The following BRAF variants were observed in gnomAD, a reference collection of about 807,000 sequenced individuals.
The protein encoded by BRAF is B-Raf proto-oncogene, serine/threonine kinase.
BRAF carries 16 observed loss-of-function variants against 104.6 expected under a neutral mutation model. The ratio of observed to expected loss-of-function variants is 0.15; its 90% CI spans 0.10 to 0.23. The LOEUF (loss-of-function observed/expected upper bound fraction) is 0.23. Ranked by LOEUF, BRAF falls within the 10% of genes least tolerant of loss-of-function variation. BRAF has a pLI of 1.00. For synonymous variants in BRAF, 310 were observed against 341.6 expected (o/e 0.91, Z 1.02); for missense variants, 541 against 937.3 (o/e 0.58, Z 5.52).
At chr7:140,762,790 T>C (rs1798884598) in intron 14 of BRAF, among the ~76,000 whole-genome samples, 1 of 151,998 alleles carries the variant, frequency 6.6e-6, no homozygotes, top group South Asian at 2.1e-4. Flanking sequence ...GTACTTGAGA[T>C]TAGGGAGTGG....
intron 1 of BRAF, among the ~76,000 whole-genome samples, chr7:140,868,186 G>C (rs946967867): frequency 3.3e-5 from 5 of 152,292 alleles, no homozygotes; most frequent in Admixed American, 3.3e-4. Flanking sequence ...GTTGTTTTAA[G>C]CACTATGCTT....
intron 1 of BRAF, among the ~76,000 whole-genome samples, chr7:140,868,953 G>C (rs1563005659): frequency 6.6e-6 from 1 of 152,126 alleles, no homozygotes; most frequent in Non-Finnish European, 1.5e-5. Flanking sequence ...ACAGTCAATA[G>C]GATTTGCTGG....
intron 1 of BRAF, among the ~76,000 whole-genome samples, chr7:140,896,099 G>C (rs1227388191): frequency 1.3e-5 from 2 of 151,958 alleles, no homozygotes; most frequent in African/African-American, 4.8e-5. Flanking sequence ...ACTGGGATGA[G>C]ACAATACCTC....
At position 140,777,980 on chromosome 7, in the gene BRAF, C is replaced by G. The variant is rs1451415562; in HGVS notation, c.1637+11G>C. 6.2e-7 allele frequency: 1 copy of G among 1,612,528 alleles called. No individual in the cohort carries two copies. The highest frequency in any genetic ancestry group is 1.7e-5 in the Admixed American group (1 of 59,984). On this transcript the variant is annotated intron_variant, in intron 13 of 19. Transcript: ENST00000644969. Reference sequence around the variant, plus strand: ...TCTTTCTCTGGAAAAGAGTAATTCACACAAGCTCACCTGAGTACTCCTACT... The same window carrying G: ...TCTTTCTCTGGAAAAGAGTAATTCAGACAAGCTCACCTGAGTACTCCTACT...
chr7:140,721,701 G>A lies in BRAF; in HGVS notation c.*4793C>T, dbSNP rs1795333965. On this transcript the variant is annotated 3_prime_UTR_variant, in exon 20 of 20. Coordinates refer to ENST00000644969, the MANE Select transcript of BRAF (RefSeq NM_001374258.1). ...AATCCATCCCAGTATAACATTTCAA[G>A]GATGTGCTGGAGACAATACATGGAC... The A allele has an allele frequency of 1.3e-6, 2 of 1,531,898 alleles. No homozygotes were observed. Among genetic ancestry groups the A allele is most frequent in the African/African-American group, 2.7e-5 (2 of 72,768 alleles). The allele number at this position is 1,531,898 out of a possible 1,614,324, so 94.9% of individuals were successfully genotyped here. A position where few individuals can be genotyped will look rare whatever the true frequency, so the allele number is the denominator to read the frequency against.
Position 140,720,531 on chromosome 7 carries a change from G to C in BRAF, c.*5963C>G. 4 of 1,064,920 alleles carry C rather than the reference G, an allele frequency of 3.8e-6. No homozygotes were observed. The highest frequency in any genetic ancestry group is 4.6e-6 in the Non-Finnish European group (4 of 879,100). The allele number at this position is 1,064,920 out of a possible 1,614,324, so 66.0% of individuals were successfully genotyped here. On this transcript the variant is annotated 3_prime_UTR_variant, in exon 20 of 20. Coordinates refer to ENST00000644969, the MANE Select transcript of BRAF (RefSeq NM_001374258.1). ...GAACATACACAAATGTATTAGGAAG[G>C]AATGATTCTTAAAAAAACCGTTCAC... is the stretch of plus-strand genomic sequence containing the variant.
chr7:140,888,555 G>C lies in BRAF; in HGVS notation c.138+36011C>G, dbSNP rs539152863. ...AATACAGGATAAAAACAATGATCTA[G>C]CGCGGGTGCAGTGGCTCACACCTGT... On this transcript the variant is annotated intron_variant, in intron 1 of 19. Transcript: ENST00000644969. Among the ~76,000 whole-genome samples, 16 of 152,234 alleles carry C rather than the reference G, an allele frequency of 1.1e-4. No individual in the cohort carries two copies. The South Asian group carries it at 1.5e-3, about 14-fold the overall frequency.
intron 1 of BRAF, among the ~76,000 whole-genome samples, chr7:140,866,156 T>C (rs1423046421): frequency 6.6e-6 from 1 of 152,212 alleles, no homozygotes; most frequent in Non-Finnish European, 1.5e-5. Flanking sequence ...AGGATTTAAA[T>C]TGAAGGAAAA....
chr7:140,823,647 C>T (rs1303399963), intron 3 of BRAF: 1 of 152,206 alleles, frequency 6.6e-6, no homozygotes, highest in Non-Finnish European at 1.5e-5. Context: ...CTTTGAGATC[C>T]TGCTTTCAAT....
intron 8 of BRAF, among the ~76,000 whole-genome samples, chr7:140,791,167 A>C (rs1348539419): frequency 1.3e-5 from 2 of 152,068 alleles, no homozygotes; most frequent in African/African-American, 2.4e-5. Context: ...ACCCTGAATC[A>C]AGCTATCCTC....
At chr7:140,917,217 T>A (rs1165401408) in intron 1 of BRAF, among the ~76,000 whole-genome samples, 1 of 152,150 alleles carries the variant, frequency 6.6e-6, no homozygotes, top group Non-Finnish European at 1.5e-5. Context: ...CCCACCACCA[T>A]GCTCGGCTAA....
chr7:140,810,693 G>C (rs1229918698), intron 3 of BRAF, among the ~76,000 whole-genome samples: 2 of 152,166 alleles, frequency 1.3e-5, no homozygotes, highest in South Asian at 4.1e-4. Flanking sequence ...CTCATTACTT[G>C]TGGAGTCCAT....
intron 3 of BRAF, among the ~76,000 whole-genome samples, chr7:140,818,718 C>T (rs1020643220): frequency 6.6e-6 from 1 of 152,156 alleles, no homozygotes; most frequent in Non-Finnish European, 1.5e-5. Flanking sequence ...CTAAAACAGG[C>T]AATTATCTTT....
At chr7:140,834,930 A>G in intron 2 of BRAF, 58 bp from the exon 3 acceptor site, 1 of 1,595,344 alleles carries the variant, frequency 6.3e-7, no homozygotes, top group East Asian at 2.2e-5. Context: ...TTAACAAAAG[A>G]GAATATAAAA....
intron 1 of BRAF, among the ~76,000 whole-genome samples, chr7:140,895,186 C>A (rs1814739443): frequency 6.6e-6 from 1 of 152,048 alleles, no homozygotes; most frequent in Admixed American, 6.5e-5. Context: ...TCTACCAATA[C>A]AATTACTTAC....
chr7:140,828,953 G>A (rs1410164425), intron 3 of BRAF, among the ~76,000 whole-genome samples: 1 of 151,968 alleles, frequency 6.6e-6, no homozygotes, highest in East Asian at 1.9e-4. Flanking sequence ...GTTTTAATTT[G>A]TACACTCACA....
In BRAF at chr7:140,765,621, T is replaced by C. The variant is rs200744495; in HGVS notation, c.1814+11291A>G. 4.5e-3 allele frequency among the ~76,000 whole-genome samples: 689 copies of C among 151,718 alleles called. 5 individuals are homozygous for C. The highest frequency in any genetic ancestry group is 0.04 in the East Asian group (207 of 5,158). On this transcript the variant is annotated intron_variant, in intron 14 of 19. Transcript: ENST00000644969. Reference sequence around the variant, plus strand: ...TTTACAAGAAAAAAACAAACAACCCTATCAAAAAGTGGGCAAAGGACATGA... The same window carrying C: ...TTTACAAGAAAAAAACAAACAACCCCATCAAAAAGTGGGCAAAGGACATGA...
chr7:140,875,783 G>A (rs949613983), intron 1 of BRAF, among the ~76,000 whole-genome samples: 2 of 152,148 alleles, frequency 1.3e-5, no homozygotes, highest in African/African-American at 4.8e-5. Flanking sequence ...CCAGAAGGAA[G>A]TTACACATTT....
At chr7:140,857,857 CAAAT>C (rs1487456920) in intron 1 of BRAF, among the ~76,000 whole-genome samples, 2 of 151,768 alleles carry the variant, frequency 1.3e-5, no homozygotes, top group African/African-American at 2.4e-5. Context: ...CAAAAACAAA[CAAAT>C]AAACAAAAAA....
Sources: allele counts gnomAD v4.1 joint callset (sites outside exome capture counted in the v4.1 genomes callset), GRCh38; gene constraint gnomAD v4.1.1; transcripts MANE v1.5; gene names NCBI Gene and HGNC (gene_info 2026-07-23, HGNC 2026-07-21).